TMX1: variants seen among roughly 807,000 people sequenced by gnomAD.
The protein encoded by TMX1 is thioredoxin-related transmembrane protein 1.
TMX1 carries 25 observed loss-of-function variants against 36.6 expected under a neutral mutation model. That is an observed-to-expected ratio of 0.68 (90% CI 0.50 to 0.95). TMX1 has a LOEUF of 0.95. Ranked by LOEUF, TMX1 falls within the 40% of genes least tolerant of loss-of-function variation. The pLI is 0.00. For synonymous variants in TMX1, 133 were observed against 118.0 expected (o/e 1.13, Z -0.82); for missense variants, 347 against 339.6 (o/e 1.02, Z -0.17).
rs917878025 is a variant in TMX1, at chr14:51,254,636, G to A, written c.*117G>A. The A allele has an allele frequency of 1.3e-5, 12 of 895,824 alleles. No homozygotes were observed. Among genetic ancestry groups the A allele is most frequent in the Non-Finnish European group, 1.8e-5 (11 of 604,904 alleles). 55.5% of individuals were successfully genotyped at this position (895,824 alleles called of 1,614,324 possible). On this transcript the variant is annotated 3_prime_UTR_variant, in exon 8 of 8. Transcript: ENST00000457354. Reference sequence around the variant, plus strand: ...AATATTGCAGGGTTCAGTCTAGATTGTCATTAAATTGAAGAGTCTACATTC... The same window carrying A: ...AATATTGCAGGGTTCAGTCTAGATTATCATTAAATTGAAGAGTCTACATTC...
At position 51,255,972 on chromosome 14, in the gene TMX1, T is replaced by C. The variant is rs9918; in HGVS notation, c.*1453T>C. On this transcript the variant is annotated 3_prime_UTR_variant, in exon 8 of 8. Coordinates refer to ENST00000457354, the MANE Select transcript of TMX1 (RefSeq NM_030755.5). Reference sequence around the variant, plus strand: ...TAAAATATTGTACCATTGAAGAGTTTGGATGTGTAACTTGTGATGCCTTAG... The same window carrying C: ...TAAAATATTGTACCATTGAAGAGTTCGGATGTGTAACTTGTGATGCCTTAG... The C allele has an allele frequency of 0.11, 16,631 of 152,518 alleles. 1,160 individuals carry two copies. Among genetic ancestry groups the C allele is most frequent in the East Asian group, 0.31 (1,601 of 5,174 alleles). The allele number at this position is 152,518 out of a possible 1,614,324, so 9.4% of individuals were successfully genotyped here.
intron 7 of TMX1, among the ~76,000 whole-genome samples, chr14:51,253,539 C>G (rs1425990413): frequency 6.6e-6 from 1 of 152,176 alleles, no homozygotes; most frequent in Non-Finnish European, 1.5e-5. Flanking sequence ...TCTTGATTGC[C>G]TAGGATTGGG....
rs376142889 is a variant in TMX1 at position 51,251,147 on chromosome 14, C to T, written c.664+1382C>T. On this transcript the variant is annotated intron_variant, in intron 7 of 7. Transcript: ENST00000457354. The stretch of plus-strand genomic sequence containing the variant: ...ACAAAAGATAGATATATAAAAGTAG[C>T]TATACCGATGGTCCCTGACCTACAA... Among the ~76,000 whole-genome samples, 9 of 152,176 alleles carry T rather than the reference C, an allele frequency of 5.9e-5. No individual in the cohort carries two copies. In the East Asian group the frequency reaches 1.7e-3, roughly 29 times the overall value.
At chr14:51,241,212 T>C (rs75682793) in intron 1 of TMX1, among the ~76,000 whole-genome samples, 3,203 of 152,294 alleles carry the variant, frequency 0.021, 102 homozygotes, top group African/African-American at 0.066. Context: ...AACGAAATCA[T>C]GTATTTTGTG....
At chr14:51,252,377 G>T (rs1363233845) in intron 7 of TMX1, among the ~76,000 whole-genome samples, 1 of 151,378 alleles carries the variant, frequency 6.6e-6, no homozygotes, top group African/African-American at 2.4e-5. Flanking sequence ...GGCAAGCATG[G>T]TCTATGAGCC....
In TMX1 at chr14:51,247,118, A is replaced by C. The variant is rs377336833; in HGVS notation, c.341A>C (p.Tyr114Ser). 2 of 1,611,732 alleles carry C rather than the reference A, an allele frequency of 1.2e-6. No individual in the cohort carries two copies. Among genetic ancestry groups the C allele is most frequent in the African/African-American group, 2.7e-5 (2 of 74,872 alleles). ...YHCKDGEFRR[Y>S]QGPRTKKDFI... ...TGTAAAGATGGTGAATTTAGGCGCT[A>C]TCAGGGTCCAAGGACTAAGAAGGAC... is the stretch of plus-strand genomic sequence containing the variant. The change falls in exon 4 of 8, where the codon TAT (tyrosine) becomes TCT (serine). Residue 114 changes from tyrosine to serine, a missense_variant. Transcript: ENST00000457354.
chr14:51,253,875 T>A (rs1346842890), intron 7 of TMX1: 1 of 152,500 alleles, frequency 6.6e-6, no homozygotes, highest in Non-Finnish European at 1.5e-5. Flanking sequence ...ACTGTTTAAG[T>A]TTTAGTATAC....
intron 4 of TMX1, among the ~76,000 whole-genome samples, chr14:51,247,470 C>T (rs2065791360): frequency 6.6e-6 from 1 of 150,748 alleles, no homozygotes; most frequent in Non-Finnish European, 1.5e-5. Context: ...CATTCTCCTG[C>T]CTCAGCCTCC....
intron 1 of TMX1, 95 bp downstream of exon 1, chr14:51,240,539 C>A (rs1244422873): frequency 1.4e-6 from 2 of 1,476,404 alleles, no homozygotes; most frequent in South Asian, 1.3e-5. Context: ...CCCAGGACTG[C>A]GCCTCCGAGT....
Position 51,249,564 on chromosome 14 carries a change from G to C in TMX1, c.586G>C (p.Gly196Arg). ...LATLFSGLLL[G>R]LCMIFVADCL... is the part of the protein sequence containing the mutation. Reference sequence around the variant, plus strand: ...AACTCTGTTTTCCGGACTGTTATTAGGACTCGTAAGTATTTCATTTTTGGA... The same window carrying C: ...AACTCTGTTTTCCGGACTGTTATTACGACTCGTAAGTATTTCATTTTTGGA... The change falls in exon 6 of 8, where the codon GGA (glycine) becomes CGA (arginine). Residue 196 changes from glycine (G) to arginine (R), a missense_variant. Transcript: ENST00000457354. 1 of 1,613,012 alleles carries C rather than the reference G, an allele frequency of 6.2e-7. No homozygotes were observed. Among genetic ancestry groups the C allele is most frequent in the Non-Finnish European group, 8.5e-7 (1 of 1,179,608 alleles).
rs1323582511 is a variant in TMX1 at position 51,254,412 on chromosome 14, G to GT, written c.739dup (p.Ser247PhefsTer6). ...GGAACAAGAGGCGGATGAAGAAGATGTTTCAGAAGAAGAAGCTGAAAGTAA... is the reference window on the plus strand; with the variant it reads ...GGAACAAGAGGCGGATGAAGAAGATGTTTTCAGAAGAAGAAGCTGAAAGTAA... On this transcript the variant is annotated frameshift_variant, in exon 8 of 8. Transcript: ENST00000457354. LOFTEE classifies it high-confidence loss of function. 6.2e-7 allele frequency: 1 copy of GT among 1,612,102 alleles called. No individual in the cohort carries two copies. Among genetic ancestry groups the GT allele is most frequent in the South Asian group, 1.1e-5 (1 of 90,708 alleles).
chr14:51,240,350 G>A lies in TMX1; in HGVS notation c.58G>A (p.Gly20Ser), dbSNP rs766819090. 5.6e-6 allele frequency: 9 copies of A among 1,613,826 alleles called. No homozygotes were observed. The highest frequency in any genetic ancestry group is 2.7e-5 in the African/African-American group (2 of 74,948). ...PLAVLVLLLW[G>S]APWTHGRRSN... ...GGCAGTCCTGGTGCTGTTGCTTTGG[G>A]GTGCTCCCTGGACGCACGGGCGGCG... Residue 20 changes from glycine (G) to serine (S), a missense_variant, in exon 1 of 8, where the codon GGT becomes AGT. Gly to Ser is a moderately conservative substitution (Grantham distance 56, BLOSUM62 0). Coordinates refer to ENST00000457354, the MANE Select transcript of TMX1 (RefSeq NM_030755.5).
rs976361191 is a variant in TMX1 at position 51,254,992 on chromosome 14, G to A, written c.*473G>A. On this transcript the variant is annotated 3_prime_UTR_variant, in exon 8 of 8. Coordinates refer to ENST00000457354, the MANE Select transcript of TMX1 (RefSeq NM_030755.5). ...AAATGTGTATTTCAGTGACAATTTC[G>A]TGGTCTTTTTAGAGGTATATTCCAA... 5.3e-5 allele frequency: 8 copies of A among 152,308 alleles called. No individual in the cohort carries two copies. The highest frequency in any genetic ancestry group is 3.9e-4 in the East Asian group (2 of 5,182). The allele number at this position is 152,308 out of a possible 1,614,324, so 9.4% of individuals were successfully genotyped here.
chr14:51,243,679 G>C (rs773382418), intron 1 of TMX1, among the ~76,000 whole-genome samples, 177 bp from the exon 2 acceptor site: 2 of 152,036 alleles, frequency 1.3e-5, no homozygotes, highest in South Asian at 4.2e-4. Context: ...CTTGATTTCC[G>C]GATTGTTAGA....
chr14:51,246,475 T>C (rs890632870), intron 3 of TMX1, among the ~76,000 whole-genome samples: 1 of 152,112 alleles, frequency 6.6e-6, no homozygotes, highest in African/African-American at 2.4e-5. Context: ...CTGATGAGTT[T>C]TTGCACTTAA....
At chr14:51,244,117 C>T in intron 2 of TMX1, 146 bp downstream of exon 2, 1 of 575,320 alleles carries the variant, frequency 1.7e-6, no homozygotes, top group Admixed American at 3.8e-5. Flanking sequence ...GACTTGTCCA[C>T]CTCCCTGCTG....
intron 7 of TMX1, among the ~76,000 whole-genome samples, chr14:51,250,253 A>G (rs961585994): frequency 4.0e-5 from 6 of 151,414 alleles, no homozygotes; most frequent in South Asian, 2.1e-4. Flanking sequence ...GCATTTACCA[A>G]TCTTGTAATT....
chr14:51,246,008 A>G (rs1427653426), intron 3 of TMX1, among the ~76,000 whole-genome samples: 2 of 152,214 alleles, frequency 1.3e-5, no homozygotes, highest in Admixed American at 1.3e-4. Context: ...CTGGTAGGTT[A>G]AATACCAGGA....
chr14:51,242,708 T>C (rs1305337325), intron 1 of TMX1, among the ~76,000 whole-genome samples: 1 of 151,792 alleles, frequency 6.6e-6, no homozygotes, highest in Non-Finnish European at 1.5e-5. Context: ...GCCCGGGAGG[T>C]TGAGGTTGCA....
Sources: gnomAD v4.1 joint callset for allele counts (sites outside exome capture counted in the v4.1 genomes callset) on GRCh38, gnomAD v4.1.1 for gene constraint, MANE v1.5 for transcripts, NCBI Gene and HGNC (gene_info 2026-07-23, HGNC 2026-07-21) for gene names.